RBFOX1: variants seen among roughly 807,000 people sequenced by gnomAD.
The protein encoded by RBFOX1 is RNA binding protein fox-1 homolog 1.
RBFOX1 carries 8 observed loss-of-function variants against 57.7 expected under a neutral mutation model. The ratio of observed to expected loss-of-function variants is 0.14; its 90% CI spans 0.08 to 0.25. The LOEUF (loss-of-function observed/expected upper bound fraction) is 0.25. Ranked by LOEUF, RBFOX1 falls within the 10% of genes least tolerant of loss-of-function variation. The pLI is 1.00. For synonymous variants in RBFOX1, 326 were observed against 222.4 expected, an observed-to-expected ratio of 1.47 and a Z score of -4.15; for missense variants, 611 against 548.5, an observed-to-expected ratio of 1.11 and a Z score of -1.14.
intron 2 of RBFOX1, among the ~76,000 whole-genome samples, chr16:6,442,049 T>C (rs2094394181): frequency 1.3e-5 from 2 of 152,194 alleles, no homozygotes; most frequent in Admixed American, 1.3e-4. Flanking sequence ...AAGCTTTTAA[T>C]TCTTCCAAGC....
rs191211002 is a variant in RBFOX1, at chr16:6,633,003, G to A, written c.-63-21600G>A. ...TAAATAAATAAATATAAAAAGGAGA[G>A]GGATGGGGAGACATTGAAAAATAAA... On this transcript the variant is annotated intron_variant, in intron 2 of 15. Coordinates refer to ENST00000550418, the MANE Select transcript of RBFOX1 (RefSeq NM_018723.4). Among the ~76,000 whole-genome samples the A allele has an allele frequency of 4.8e-3, 734 of 152,286 alleles. 3 individuals are homozygous for A. Among genetic ancestry groups the A allele is most frequent in the Non-Finnish European group, 8.1e-3 (552 of 68,022 alleles).
chr16:6,455,618 T>C (rs1304360883), intron 2 of RBFOX1, among the ~76,000 whole-genome samples: 1 of 152,206 alleles, frequency 6.6e-6, no homozygotes, highest in African/African-American at 2.4e-5. Context: ...AAAGGCCTTC[T>C]TGTCCGAGGC....
chr16:7,398,315 G>A (rs1397597249), intron 4 of RBFOX1, among the ~76,000 whole-genome samples: 2 of 152,176 alleles, frequency 1.3e-5, no homozygotes, highest in Non-Finnish European at 2.9e-5. Context: ...AAGTTTGCTG[G>A]ACCTCACTTT....
intron 4 of RBFOX1, among the ~76,000 whole-genome samples, chr16:7,421,778 T>C (rs8061341): frequency 0.028 from 4,235 of 152,348 alleles, 176 homozygotes; most frequent in African/African-American, 0.096. Context: ...CATCGTGCTG[T>C]CGTCAGCAGT....
intron 5 of RBFOX1, among the ~76,000 whole-genome samples, chr16:7,530,876 C>T (rs111903790): frequency 2.0e-5 from 3 of 152,288 alleles, no homozygotes; most frequent in African/African-American, 7.2e-5. Flanking sequence ...GCTTCTGGGC[C>T]ATGGGGAGAA....
At chr16:7,365,086 T>C (rs1053837667) in intron 4 of RBFOX1, among the ~76,000 whole-genome samples, 2 of 152,154 alleles carry the variant, frequency 1.3e-5, no homozygotes, top group Admixed American at 6.5e-5. Context: ...TCTATCTATC[T>C]ATCCATCCAT....
chr16:5,682,131 G>A (rs528368885), intron 3 of RBFOX1, among the ~76,000 whole-genome samples: 7 of 152,148 alleles, frequency 4.6e-5, no homozygotes, highest in Non-Finnish European at 7.3e-5. Flanking sequence ...GTCGGGCACT[G>A]GGGTAAATGA....
At position 5,352,407 on chromosome 16, in the gene RBFOX1, G is replaced by A. The variant is rs78055324; in HGVS notation, c.219+112302G>A. Among the ~76,000 whole-genome samples the A allele has an allele frequency of 8.6e-3, 1,302 of 152,142 alleles. 6 individuals carry two copies. Among genetic ancestry groups the A allele is most frequent in the Non-Finnish European group, 0.013 (872 of 68,002 alleles). On this transcript the variant is annotated intron_variant, in intron 1 of 2. Transcript: ENST00000585867. ...AATTTCAAACCTGCAGAAAAGTTGC[G>A]GACATCTACAATGAACACCCTATCT...
intron 2 of RBFOX1, among the ~76,000 whole-genome samples, chr16:6,562,618 G>A (rs536493877): frequency 6.6e-6 from 1 of 152,190 alleles, no homozygotes; most frequent in Non-Finnish European, 1.5e-5. Context: ...TAAACATCTT[G>A]CATGTACTAA....
intron 4 of RBFOX1, among the ~76,000 whole-genome samples, chr16:7,381,910 C>T (rs1274399814): frequency 2.0e-5 from 3 of 152,110 alleles, no homozygotes; most frequent in Non-Finnish European, 2.9e-5. Flanking sequence ...GTAGTTCTCC[C>T]CACACTGTGA....
intron 4 of RBFOX1, among the ~76,000 whole-genome samples, chr16:7,418,115 C>A (rs1018232381): frequency 2.6e-5 from 4 of 152,160 alleles, no homozygotes; most frequent in Non-Finnish European, 4.4e-5. Context: ...CTCACCTCTC[C>A]CCCACGGCCA....
At chr16:5,407,281 C>T (rs752208217) in intron 1 of RBFOX1, among the ~76,000 whole-genome samples, 1 of 152,128 alleles carries the variant, frequency 6.6e-6, no homozygotes, top group Admixed American at 6.5e-5. Context: ...TCCTCAGCAC[C>T]TGAGGATTAC....
At chr16:7,702,453 A>C (rs2081060920) in intron 14 of RBFOX1, among the ~76,000 whole-genome samples, 1 of 152,186 alleles carries the variant, frequency 6.6e-6, no homozygotes, top group African/African-American at 2.4e-5. Flanking sequence ...GTGAGATCTT[A>C]CTGTTTTGCT....
intron 3 of RBFOX1, among the ~76,000 whole-genome samples, chr16:6,664,876 G>A (rs1052648739): frequency 3.3e-5 from 5 of 152,100 alleles, no homozygotes; most frequent in African/African-American, 1.2e-4. Context: ...TCACCAGCTG[G>A]CAGACCTTGG....
chr16:5,923,864 A>G (rs142276430), intron 4 of RBFOX1, among the ~76,000 whole-genome samples: 6 of 152,194 alleles, frequency 3.9e-5, no homozygotes, highest in African/African-American at 1.4e-4. Flanking sequence ...TTTAGGCATC[A>G]TGACTTCCTG....
intron 3 of RBFOX1, among the ~76,000 whole-genome samples, chr16:6,947,093 G>C (rs1252529844): frequency 6.6e-6 from 1 of 152,174 alleles, no homozygotes; most frequent in Non-Finnish European, 1.5e-5. Context: ...GAATAGTTAA[G>C]AGGATTTAAT....
Position 6,478,417 on chromosome 16 carries a change from ATATATATATATATTTTTTTT to A in RBFOX1, c.-64+161362_-64+161381del, listed in dbSNP as rs1240767151. Among the ~76,000 whole-genome samples, 4 of 16,460 alleles carry A rather than the reference ATATATATATATATTTTTTTT, an allele frequency of 2.4e-4. 1 individual carries two copies. Among genetic ancestry groups the A allele is most frequent in the African/African-American group, 8.9e-4 (4 of 4,516 alleles). 10.8% of individuals were successfully genotyped at this position (16,460 alleles called of 152,430 possible). A position where few individuals can be genotyped will look rare whatever the true frequency, so the allele number is the denominator to read the frequency against. On this transcript the variant is annotated intron_variant, in intron 2 of 15. Coordinates refer to ENST00000550418, the MANE Select transcript of RBFOX1 (RefSeq NM_018723.4). ...TATATATATATATATATATATATAT[ATATATATATATATTTTTTTT>A]TTTTTTTTTTGTATTTTTAGTAGAG...
At chr16:6,934,351 TAATA>T (rs1375859299) in intron 3 of RBFOX1, among the ~76,000 whole-genome samples, 1 of 152,236 alleles carries the variant, frequency 6.6e-6, no homozygotes, top group Non-Finnish European at 1.5e-5. Flanking sequence ...CGTATTTATG[TAATA>T]AATATGTGAG....
At chr16:6,378,837 T>G (rs554074943) in intron 2 of RBFOX1, among the ~76,000 whole-genome samples, 14 of 152,318 alleles carry the variant, frequency 9.2e-5, no homozygotes, top group African/African-American at 3.4e-4. Context: ...TTAGGAGGAT[T>G]ACTCTTCCTA....
Sources: gnomAD v4.1 joint callset for allele counts (sites outside exome capture counted in the v4.1 genomes callset) on GRCh38, gnomAD v4.1.1 for gene constraint, MANE v1.5 for transcripts, NCBI Gene and HGNC (gene_info 2026-07-23, HGNC 2026-07-21) for gene names.